Variants in ZEB2 observed in about 807,000 individuals in gnomAD.
ZEB2 encodes the protein zinc finger E-box binding homeobox 2.
Under a neutral mutation model 99.9 loss-of-function variants are expected in ZEB2, and 6 were observed. The ratio of observed to expected loss-of-function variants is 0.06; its 90% CI spans 0.03 to 0.12. The LOEUF (loss-of-function observed/expected upper bound fraction) is 0.12, where lower values mean the gene tolerates loss of function less well. Ranked by LOEUF, ZEB2 falls within the 10% of genes least tolerant of loss-of-function variation. ZEB2 has a pLI of 1.00. For missense variants in ZEB2, 969 were observed against 1,502.8 expected, an observed-to-expected ratio of 0.64 and a Z score of 5.87; for synonymous variants, 517 against 542.5, an observed-to-expected ratio of 0.95 and a Z score of 0.65.
chr2:144,397,893 G>C (rs1170263264), intron 8 of ZEB2: 1 of 326,616 alleles, frequency 3.1e-6, no homozygotes, highest in South Asian at 2.6e-5. Flanking sequence ...CACCCTCGTT[G>C]GCCTCCCAAA....
At chr2:144,429,711 G>T in intron 3 of ZEB2, 58 bp downstream of exon 3, 3 of 1,612,822 alleles carry the variant, frequency 1.9e-6, no homozygotes, top group Non-Finnish European at 2.5e-6. Context: ...AGGTGGAACA[G>T]ATTAGTTGAA....
At chr2:144,404,485 C>T (rs753696543) in intron 5 of ZEB2, among the ~76,000 whole-genome samples, 3 of 151,366 alleles carry the variant, frequency 2.0e-5, no homozygotes, top group African/African-American at 7.3e-5. Flanking sequence ...TGTGAAGGGG[C>T]GTTTCAGGTG....
At chr2:144,477,547 T>C (rs1704447627) in intron 2 of ZEB2, among the ~76,000 whole-genome samples, 1 of 152,252 alleles carries the variant, frequency 6.6e-6, no homozygotes, top group South Asian at 2.1e-4. Flanking sequence ...AAACACCAGC[T>C]ATAAGCTTCA....
chr2:144,391,500 C>G (rs1703153793), intron 9 of ZEB2, among the ~76,000 whole-genome samples: 1 of 152,178 alleles, frequency 6.6e-6, no homozygotes, highest in African/African-American at 2.4e-5. Flanking sequence ...ACACAAGAAC[C>G]ATTCCTTAAC....
intron 2 of ZEB2, among the ~76,000 whole-genome samples, chr2:144,447,106 C>G (rs1703995901): frequency 6.6e-6 from 1 of 151,520 alleles, no homozygotes. Context: ...CACTTTAGTA[C>G]ATACCAGTGA....
rs201944188 is a variant in ZEB2 at position 144,440,515 on chromosome 2, ATTTTT to A, written c.74-10494_74-10490del. On this transcript the variant is annotated intron_variant, in intron 2 of 9. Coordinates refer to ENST00000627532, the MANE Select transcript of ZEB2 (RefSeq NM_014795.4). ...TATATATATATATATATATATATAT[ATTTTT>A]TTTTTTTTTTTTTTTTTTTTTTAAC... Among the ~76,000 whole-genome samples, 257 of 32,722 alleles carry A rather than the reference ATTTTT, an allele frequency of 7.9e-3. 2 individuals are homozygous for A. Among genetic ancestry groups the A allele is most frequent in the African/African-American group, 0.019 (234 of 12,590 alleles). 21.5% of individuals were successfully genotyped at this position (32,722 alleles called of 152,430 possible).
chr2:144,512,551 T>C, intron 2 of ZEB2: 2 of 1,287,238 alleles, frequency 1.6e-6, no homozygotes, highest in Non-Finnish European at 2.0e-6. Flanking sequence ...ACTTTAATCT[T>C]GGTTTTACCC....
intron 9 of ZEB2, among the ~76,000 whole-genome samples, chr2:144,390,352 C>A (rs1703140159): frequency 6.6e-6 from 1 of 152,202 alleles, no homozygotes; most frequent in African/African-American, 2.4e-5. Context: ...CAAGACATTT[C>A]TAGTGATCTA....
rs925688118 is a variant in ZEB2, at chr2:144,388,327, A to G, written c.*1124T>C. On this transcript the variant is annotated 3_prime_UTR_variant, in exon 10 of 10. Transcript: ENST00000627532. The surrounding 1 kb of genome is among the most constrained non-coding windows in gnomAD (Gnocchi z 5.4). Reference sequence around the variant, plus strand: ...CACAATTAATGTTCCAAAACACAATAAATGCTCTTCTCTTTACGTAAAATT... The same window carrying G: ...CACAATTAATGTTCCAAAACACAATGAATGCTCTTCTCTTTACGTAAAATT... 6.6e-6 allele frequency: 1 copy of G among 152,618 alleles called. No individual in the cohort carries two copies. Among genetic ancestry groups the G allele is most frequent in the African/African-American group, 2.4e-5 (1 of 41,462 alleles). The allele number at this position is 152,618 out of a possible 1,614,324, so 9.5% of individuals were successfully genotyped here. A position where few individuals can be genotyped will look rare whatever the true frequency, so the allele number is the denominator to read the frequency against.
At chr2:144,512,046 C>T in intron 2 of ZEB2, 1 of 1,287,168 alleles carries the variant, frequency 7.8e-7, no homozygotes, top group Non-Finnish European at 1.0e-6. Context: ...TCTGACTTGG[C>T]CATTCAGACA....
chr2:144,449,674 T>G (rs1237321994), intron 2 of ZEB2: 2 of 152,282 alleles, frequency 1.3e-5, no homozygotes, highest in African/African-American at 4.8e-5. Flanking sequence ...TGGTGGCTGT[T>G]TTAAAAGCTG....
At chr2:144,517,464 T>C (rs762680327) in intron 1 of ZEB2, 45 bp from the exon 2 acceptor site, 3 of 1,363,000 alleles carry the variant, frequency 2.2e-6, no homozygotes, top group Admixed American at 1.8e-5. Context: ...CCCGCGCCCA[T>C]TGAAACGCGC....
intron 2 of ZEB2, chr2:144,513,014 G>A (rs1204371791): frequency 4.7e-6 from 6 of 1,287,112 alleles, no homozygotes; most frequent in African/African-American, 3.0e-5. Context: ...AGTCTGGACT[G>A]ACAGTGATCC....
chr2:144,508,854 C>G (rs1463858482), intron 2 of ZEB2, among the ~76,000 whole-genome samples: 1 of 152,038 alleles, frequency 6.6e-6, no homozygotes, highest in African/African-American at 2.4e-5. Context: ...GCCCCAGCTG[C>G]TTCATTCCCT....
In ZEB2 at chr2:144,520,016, A is replaced by G. The variant is rs1010892094; in HGVS notation, c.-147T>C. ...GAAGAAGCCGCGAAGTGTGGGGGAG[A>G]AAAAGGTGGAAGCGAAGAAACAGCT... On this transcript the variant is annotated 5_prime_UTR_variant, in exon 1 of 10. Transcript: ENST00000627532. 10 of 454,344 alleles carry G rather than the reference A, an allele frequency of 2.2e-5. No homozygotes were observed. The highest frequency in any genetic ancestry group is 1.4e-4 in the Admixed American group (6 of 42,550). The allele number at this position is 454,344 out of a possible 1,614,324, so 28.1% of individuals were successfully genotyped here.
chr2:144,512,542 C>G lies in ZEB2; in HGVS notation c.73+4736G>C, dbSNP rs1340692179. ...TATGACATAGCAGTTGAGCAGGGAA[C>G]TTTAATCTTGGTTTTACCCTATTTG... On this transcript the variant is annotated intron_variant, in intron 2 of 9. Transcript: ENST00000627532. The G allele has an allele frequency of 2.3e-6, 3 of 1,287,158 alleles. No homozygotes were observed. The South Asian group carries it at 3.7e-5, about 16-fold the overall frequency. The allele number at this position is 1,287,158 out of a possible 1,614,324, so 79.7% of individuals were successfully genotyped here.
chr2:144,461,240 C>G (rs923168398), intron 2 of ZEB2: 13 of 152,000 alleles, frequency 8.6e-5, no homozygotes, highest in African/African-American at 3.1e-4. Context: ...CCTCCCAGAG[C>G]TCCCGGAGTA....
At chr2:144,507,668 G>A (rs1005478907) in intron 2 of ZEB2, among the ~76,000 whole-genome samples, 17 of 152,228 alleles carry the variant, frequency 1.1e-4, no homozygotes, top group Admixed American at 2.6e-4. Flanking sequence ...CACTGTAAAC[G>A]TACATGGCTT....
At chr2:144,450,451 T>A (rs988142132) in intron 2 of ZEB2, 1 of 152,214 alleles carries the variant, frequency 6.6e-6, no homozygotes, top group Admixed American at 6.5e-5. Flanking sequence ...CTGACTATTT[T>A]ACCTTTGGAT....
Sources: gnomAD v4.1 joint callset for allele counts (sites outside exome capture counted in the v4.1 genomes callset) on GRCh38, gnomAD v4.1.1 for gene constraint, Gnocchi (gnomAD v3.1) non-coding constraint, MANE v1.5 for transcripts, NCBI Gene and HGNC (gene_info 2026-07-23, HGNC 2026-07-21) for gene names.